The following ANKRD24 variants were observed in gnomAD, a reference collection of about 807,000 sequenced individuals.
The protein encoded by ANKRD24 is ankyrin repeat domain 24, also known as ankyrin repeat domain-containing protein 24.
A neutral mutation model predicts 127.8 loss-of-function variants in ANKRD24; 109 were observed. The ratio of observed to expected loss-of-function variants is 0.85; its 90% CI spans 0.73 to 1.00. ANKRD24 has a LOEUF of 1.00. Ranked by LOEUF, ANKRD24 falls within the 50% of genes least tolerant of loss-of-function variation. ANKRD24 has a pLI of 0.00. For missense variants in ANKRD24, 1,648 were observed against 1,570.2 expected, an observed-to-expected ratio of 1.05 and a Z score of -0.84; for synonymous variants, 743 against 671.1, an observed-to-expected ratio of 1.11 and a Z score of -1.66.
At chr19:4,201,905 A>T (rs949963526) in intron 5 of ANKRD24, 121 bp from the exon 6 acceptor site, 2 of 819,758 alleles carry the variant, frequency 2.4e-6, no homozygotes, top group East Asian at 5.0e-5. Context: ...GGAGAGAAAT[A>T]CTAGGGTTTA....
chr19:4,202,010 T>C lies in ANKRD24; in HGVS notation c.344-16T>C, dbSNP rs771448342. On this transcript the variant is annotated splice_polypyrimidine_tract_variant and intron_variant, in intron 5 of 21. Coordinates refer to ENST00000318934, the MANE Select transcript of ANKRD24 (RefSeq NM_001393985.1). Reference sequence around the variant, plus strand: ...TGAATAGCTGGAGCTCCAGTAAATCTTCTTTCCTTCCCCAGGTTACAATGC... The same window carrying C: ...TGAATAGCTGGAGCTCCAGTAAATCCTCTTTCCTTCCCCAGGTTACAATGC... The C allele has an allele frequency of 1.2e-6, 2 of 1,613,450 alleles. No individual in the cohort carries two copies. Among genetic ancestry groups the C allele is most frequent in the Non-Finnish European group, 1.7e-6 (2 of 1,179,496 alleles).
intron 10 of ANKRD24, among the ~76,000 whole-genome samples, chr19:4,208,562 C>T (rs1036867095): frequency 6.6e-6 from 1 of 152,120 alleles, no homozygotes; most frequent in East Asian, 2.0e-4. Flanking sequence ...GGATTACAGG[C>T]ATGAGTCACC....
chr19:4,186,102 C>T (rs1968046478), intron 1 of ANKRD24, among the ~76,000 whole-genome samples: 1 of 152,168 alleles, frequency 6.6e-6, no homozygotes, highest in African/African-American at 2.4e-5. Context: ...TGAAGCCCCT[C>T]ATGTTTGGCC....
At chr19:4,187,887 C>T (rs1420062771) in intron 2 of ANKRD24, among the ~76,000 whole-genome samples, 3 of 152,052 alleles carry the variant, frequency 2.0e-5, no homozygotes, top group South Asian at 2.1e-4. Flanking sequence ...ACGTGAGGAG[C>T]GGGGCACGGA....
At chr19:4,222,851 A>G in intron 20 of ANKRD24, 56 bp downstream of exon 20, 1 of 1,521,822 alleles carries the variant, frequency 6.6e-7, no homozygotes, top group South Asian at 1.3e-5. Flanking sequence ...GAGTCCAAAT[A>G]TTTACCAATC....
chr19:4,217,896 C>T lies in ANKRD24; in HGVS notation c.2736C>T (p.Ser912=). The change falls in exon 18 of 22, where the codon TCC becomes TCT. Residue 912 remains serine, a synonymous_variant. Coordinates refer to ENST00000318934, the MANE Select transcript of ANKRD24 (RefSeq NM_001393985.1). ...LREASEALRQ[S]VVPASEHRRL... Reference sequence around the variant, plus strand: ...AGGCCTCCGAGGCCCTCCGCCAGTCCGTGGTGCCGGCCTCTGAGCACCGCC... The same window carrying T: ...AGGCCTCCGAGGCCCTCCGCCAGTCTGTGGTGCCGGCCTCTGAGCACCGCC... 4 of 1,476,248 alleles carry T rather than the reference C, an allele frequency of 2.7e-6. No individual in the cohort carries two copies. Among genetic ancestry groups the T allele is most frequent in the Non-Finnish European group, 3.6e-6 (4 of 1,121,160 alleles). The allele number at this position is 1,476,248 out of a possible 1,614,324, so 91.4% of individuals were successfully genotyped here.
chr19:4,216,535 C>CA lies in ANKRD24; in HGVS notation c.1390-14dup, dbSNP rs1568338854. Reference sequence around the variant, plus strand: ...CAACTCCTGCCAGACTCCTGCCCCCCACTCCACTCCCCAGATCCTGGAGAA... The same window carrying CA: ...CAACTCCTGCCAGACTCCTGCCCCCCAACTCCACTCCCCAGATCCTGGAGAA... On this transcript the variant is annotated splice_polypyrimidine_tract_variant and intron_variant, in intron 17 of 21. Coordinates refer to ENST00000318934, the MANE Select transcript of ANKRD24 (RefSeq NM_001393985.1). 1 of 1,594,142 alleles carries CA rather than the reference C, an allele frequency of 6.3e-7. No homozygotes were observed.
intron 2 of ANKRD24, among the ~76,000 whole-genome samples, chr19:4,189,534 G>C (rs966799904): frequency 6.7e-6 from 1 of 149,556 alleles, no homozygotes; most frequent in Non-Finnish European, 1.5e-5. Context: ...TTATAGGCAT[G>C]AGCCACCATG....
At position 4,195,100 on chromosome 19, in the gene ANKRD24, TCTCA is replaced by T. The variant is rs1485475159; in HGVS notation, c.37-4579_37-4576del. On this transcript the variant is annotated intron_variant, in intron 2 of 21. Coordinates refer to ENST00000318934, the MANE Select transcript of ANKRD24 (RefSeq NM_001393985.1). The surrounding 1 kb of genome is among the most constrained non-coding windows in gnomAD (Gnocchi z 4.2). Reference sequence around the variant, plus strand: ...TGTTTGTTTGTTTTTAGAGAGGGAGTCTCACTCTGTCACCCAGGTTGGAGTGCAG... The same window carrying T: ...TGTTTGTTTGTTTTTAGAGAGGGAGTCTCTGTCACCCAGGTTGGAGTGCAG... 1.5e-5 allele frequency among the ~76,000 whole-genome samples: 2 copies of T among 136,470 alleles called. No individual in the cohort carries two copies. The highest frequency in any genetic ancestry group is 2.9e-4 in the East Asian group (1 of 3,454). The allele number at this position is 136,470 out of a possible 152,430, so 89.5% of individuals were successfully genotyped here.
At chr19:4,202,418 A>C (rs1969143418) in intron 6 of ANKRD24, among the ~76,000 whole-genome samples, 1 of 151,930 alleles carries the variant, frequency 6.6e-6, no homozygotes, top group Non-Finnish European at 1.5e-5. Flanking sequence ...AAAATACAAA[A>C]AATTAGCTGG....
intron 17 of ANKRD24, 27 bp from the exon 18 acceptor site, chr19:4,216,523 A>T: frequency 6.3e-7 from 1 of 1,581,592 alleles, no homozygotes; most frequent in South Asian, 1.2e-5. Flanking sequence ...CTCCTGCCAG[A>T]CTCCTGCCCC....
rs940938706 is a variant in ANKRD24 at position 4,212,815 on chromosome 19, C to T, written c.1197+117C>T. ...ACAGCCTCACACACGTGCAAACACA[C>T]GCACCAGACACATGCACCCACAAAC... On this transcript the variant is annotated intron_variant, in intron 15 of 21. Coordinates refer to ENST00000318934, the MANE Select transcript of ANKRD24 (RefSeq NM_001393985.1). 2.3e-5 allele frequency: 21 copies of T among 910,786 alleles called. No individual in the cohort carries two copies. The Admixed American group carries it at 3.8e-4, about 16-fold the overall frequency. The allele number at this position is 910,786 out of a possible 1,614,324, so 56.4% of individuals were successfully genotyped here. A position where few individuals can be genotyped will look rare whatever the true frequency, so the allele number is the denominator to read the frequency against.
intron 2 of ANKRD24, among the ~76,000 whole-genome samples, chr19:4,196,933 G>A (rs538653358): frequency 1.3e-5 from 2 of 152,238 alleles, no homozygotes; most frequent in South Asian, 2.1e-4. Flanking sequence ...CAGGAGTGGC[G>A]GAAATTGACC....
At chr19:4,189,770 G>A (rs569466862) in intron 2 of ANKRD24, among the ~76,000 whole-genome samples, 5 of 152,064 alleles carry the variant, frequency 3.3e-5, no homozygotes, top group Non-Finnish European at 5.9e-5. Flanking sequence ...CCTCACCACC[G>A]TGTTATGAGG....
chr19:4,213,915 A>G (rs1969911321), intron 15 of ANKRD24, among the ~76,000 whole-genome samples: 1 of 152,090 alleles, frequency 6.6e-6, no homozygotes, highest in Non-Finnish European at 1.5e-5. Context: ...GATTACAGGT[A>G]TGAGCCACCA....
At chr19:4,193,848 G>GGAGGGAGGGAGGT (rs1376317734) in intron 2 of ANKRD24, among the ~76,000 whole-genome samples, 1 of 118,716 alleles carries the variant, frequency 8.4e-6, no homozygotes, top group Non-Finnish European at 1.7e-5. Context: ...AGGGAGGGAG[G>GGAGGGAGGGAGGT]AAGGAAGGAA....
chr19:4,199,844 T>C lies in ANKRD24; in HGVS notation c.124-31T>C, dbSNP rs549756330. 3.2e-6 allele frequency: 5 copies of C among 1,550,508 alleles called. No individual in the cohort carries two copies. The African/African-American group carries it at 5.5e-5, about 17-fold the overall frequency. ...GTGGGGAGGGGACAGCAGCCAACAC[T>C]GCCCCACGCACTTCTGGGCGTGCCC... On this transcript the variant is annotated intron_variant, in intron 3 of 21. Coordinates refer to ENST00000318934, the MANE Select transcript of ANKRD24 (RefSeq NM_001393985.1). The surrounding 1 kb of genome is among the most constrained non-coding windows in gnomAD (Gnocchi z 5.2).
chr19:4,207,712 T>G, intron 9 of ANKRD24, 69 bp from the exon 10 acceptor site: 1 of 1,589,132 alleles, frequency 6.3e-7, no homozygotes, highest in Non-Finnish European at 8.6e-7. Context: ...CAGCCTGGCC[T>G]GGGTGCTGAG....
At chr19:4,203,052 CTTT>C (rs551724235) in intron 7 of ANKRD24, 126 bp downstream of exon 7, 156 of 627,464 alleles carry the variant, frequency 2.5e-4, no homozygotes, top group Middle Eastern at 9.7e-4. Flanking sequence ...TTCTTTCTTT[CTTT>C]TTTTTTTTTT....
Sources: gnomAD v4.1 joint callset for allele counts (sites outside exome capture counted in the v4.1 genomes callset) on GRCh38, gnomAD v4.1.1 for gene constraint, Gnocchi (gnomAD v3.1) non-coding constraint, MANE v1.5 for transcripts, NCBI Gene and HGNC (gene_info 2026-07-23, HGNC 2026-07-21) for gene names.